STAB2: variants seen among roughly 807,000 people sequenced by gnomAD.
STAB2 encodes the protein stabilin-2.
STAB2 carries 288 observed loss-of-function variants against 338.1 expected under a neutral mutation model. That is an observed-to-expected ratio of 0.85 (90% CI 0.77 to 0.94). STAB2 has a LOEUF of 0.94. Ranked by LOEUF, STAB2 falls within the 40% of genes least tolerant of loss-of-function variation. The probability of loss-of-function intolerance (pLI) is 0.00; values close to 1 mark genes in which losing one functional copy is unlikely to be tolerated. For synonymous variants in STAB2, 1,202 were observed against 1,193.3 expected, an observed-to-expected ratio of 1.01 and a Z score of -0.15; for missense variants, 3,141 against 3,210.1, an observed-to-expected ratio of 0.98 and a Z score of 0.52.
chr12:103,633,695 G>C (rs917215783), intron 6 of STAB2, among the ~76,000 whole-genome samples: 1 of 152,148 alleles, frequency 6.6e-6, no homozygotes, highest in Admixed American at 6.5e-5. Context: ...AAGAAGAAAT[G>C]AAAACCAGCA....
intron 58 of STAB2, 129 bp downstream of exon 58, chr12:103,746,833 C>T (rs1290289587): frequency 1.2e-6 from 1 of 803,764 alleles, no homozygotes; most frequent in Admixed American, 2.0e-5. Flanking sequence ...CCTACCCTCT[C>T]TATGACTCAG....
At chr12:103,745,069 A>C in intron 56 of STAB2, 104 bp from the exon 57 acceptor site, 2 of 909,066 alleles carry the variant, frequency 2.2e-6, no homozygotes, top group Non-Finnish European at 3.3e-6. Flanking sequence ...TGACATAAGC[A>C]TGGTGCCTCC....
chr12:103,716,283 C>T (rs1880305479), intron 43 of STAB2, among the ~76,000 whole-genome samples: 1 of 152,188 alleles, frequency 6.6e-6, no homozygotes, highest in East Asian at 1.9e-4. Flanking sequence ...GGCACTCTAC[C>T]AGTCACATGG....
At chr12:103,682,980 A>G (rs1877063837) in intron 25 of STAB2, among the ~76,000 whole-genome samples, 1 of 152,142 alleles carries the variant, frequency 6.6e-6, no homozygotes, top group East Asian at 1.9e-4. Context: ...AAATAAATTC[A>G]GGAAGAGAGT....
In STAB2 at chr12:103,587,500, T is replaced by C; in HGVS notation, c.24T>C (p.Ile8=). 1 of 1,614,050 alleles carries C rather than the reference T, an allele frequency of 6.2e-7. No individual in the cohort carries two copies. Among genetic ancestry groups the C allele is most frequent in the Non-Finnish European group, 8.5e-7 (1 of 1,179,940 alleles). Residue 8 remains isoleucine (I), a synonymous_variant, in exon 1 of 69, where the codon ATT becomes ATC. Coordinates refer to ENST00000388887, the MANE Select transcript of STAB2 (RefSeq NM_017564.10). MMLQHLV[I]FCLGLVVQNF... ...TCATGATGCTACAACATTTAGTAATTTTTTGTCTTGGATTGGTTGTACAAA... is the reference window on the plus strand; with the variant it reads ...TCATGATGCTACAACATTTAGTAATCTTTTGTCTTGGATTGGTTGTACAAA...
At chr12:103,704,194 C>T (rs1593258816) in intron 35 of STAB2, among the ~76,000 whole-genome samples, 1 of 152,330 alleles carries the variant, frequency 6.6e-6, no homozygotes, top group East Asian at 1.9e-4. Flanking sequence ...TGCTGAACCC[C>T]TCATCTTAGC....
chr12:103,683,208 G>A lies in STAB2; in HGVS notation c.2809G>A (p.Glu937Lys). The A allele has an allele frequency of 1.2e-6, 2 of 1,612,296 alleles. No homozygotes were observed. The highest frequency in any genetic ancestry group is 1.7e-6 in the Non-Finnish European group (2 of 1,179,284). The change falls in exon 26 of 69, where the codon GAG becomes AAG. Residue 937 changes from glutamate to lysine, a missense_variant. Glu to Lys is a moderately conservative substitution (Grantham distance 56). Transcript: ENST00000388887. Reference sequence around the variant, plus strand: ...GACTCTGTTCTTAAAATTATAGAATGAGTGTGAGTGCAAGAAAGGATTTCG... The same window carrying A: ...GACTCTGTTCTTAAAATTATAGAATAAGTGTGAGTGCAAGAAAGGATTTCG... ...SCLYVGPGQNECECKKGFRGN... is the reference protein window; with the variant it reads ...SCLYVGPGQNKCECKKGFRGN...
At position 103,684,283 on chromosome 12, in the gene STAB2, G is replaced by A. The variant is rs1409885359; in HGVS notation, c.2902-706G>A. ...GATCTAACTGGCCCAACTGGGTGCA[G>A]GTGTCTACATATGAGTCCGTCAATT... On this transcript the variant is annotated intron_variant, in intron 26 of 68. Coordinates refer to ENST00000388887, the MANE Select transcript of STAB2 (RefSeq NM_017564.10). 2.0e-5 allele frequency among the ~76,000 whole-genome samples: 3 copies of A among 152,206 alleles called. No individual in the cohort carries two copies. In the East Asian group the frequency reaches 5.8e-4, roughly 29 times the overall value.
intron 44 of STAB2, among the ~76,000 whole-genome samples, chr12:103,721,131 C>T (rs1324894586): frequency 7.6e-6 from 1 of 130,936 alleles, no homozygotes; most frequent in East Asian, 2.0e-4. Flanking sequence ...CCTCCTAATA[C>T]CATAGTGAGG....
At chr12:103,641,669 G>A (rs774778721) in intron 9 of STAB2, among the ~76,000 whole-genome samples, 45 of 152,190 alleles carry the variant, frequency 3.0e-4, no homozygotes, top group Non-Finnish European at 4.7e-4. Flanking sequence ...TACCTTAAGC[G>A]AACTCTTTCC....
At chr12:103,655,389 T>C (rs1874101671) in intron 14 of STAB2, 67 bp from the exon 15 acceptor site, 1 of 1,602,650 alleles carries the variant, frequency 6.2e-7, no homozygotes, top group African/African-American at 1.3e-5. Context: ...TATAAATTTC[T>C]GGCGAATTAT....
At chr12:103,595,361 A>G (rs907447695) in intron 3 of STAB2, among the ~76,000 whole-genome samples, 1 of 151,916 alleles carries the variant, frequency 6.6e-6, no homozygotes, top group African/African-American at 2.4e-5. Context: ...TTTTTTTCTG[A>G]TTAAAGTAAT....
chr12:103,677,834 A>G (rs1423308253), intron 25 of STAB2, among the ~76,000 whole-genome samples: 1 of 152,252 alleles, frequency 6.6e-6, no homozygotes, highest in Non-Finnish European at 1.5e-5. Context: ...CATAAATCAC[A>G]TAGAAAATAA....
At chr12:103,688,313 G>C in intron 28 of STAB2, 98 bp downstream of exon 28, 1 of 1,152,226 alleles carries the variant, frequency 8.7e-7, no homozygotes, top group South Asian at 1.2e-5. Flanking sequence ...GGTAAGGAGT[G>C]TAGGCAATTG....
In STAB2 at chr12:103,620,541, C is replaced by A. The variant is rs755026780; in HGVS notation, c.405C>A (p.Thr135=). ...SCAEGMEGNG[T]CSCQEGFGGT... is the part of the protein sequence containing the mutation. Reference sequence around the variant, plus strand: ...CTGAAGGCATGGAAGGAAATGGAACCTGCTCCTGCCAAGTAAGTTCAAAAA... The same window carrying A: ...CTGAAGGCATGGAAGGAAATGGAACATGCTCCTGCCAAGTAAGTTCAAAAA... Residue 135 remains threonine, a synonymous_variant, in exon 4 of 69, where the codon ACC becomes ACA. Coordinates refer to ENST00000388887, the MANE Select transcript of STAB2 (RefSeq NM_017564.10). The A allele has an allele frequency of 1.3e-6, 2 of 1,567,254 alleles. No individual in the cohort carries two copies. Among genetic ancestry groups the A allele is most frequent in the East Asian group, 4.7e-5 (2 of 42,306 alleles).
chr12:103,638,229 G>A lies in STAB2; in HGVS notation c.906+17G>A, dbSNP rs1171734548. The stretch of plus-strand genomic sequence containing the variant: ...CCTGGACAGGTGAGCAAATGATGCA[G>A]GGAACTGATGTATCTAGAAGTTTGA... On this transcript the variant is annotated intron_variant, in intron 8 of 68. Coordinates refer to ENST00000388887, the MANE Select transcript of STAB2 (RefSeq NM_017564.10). 2.5e-6 allele frequency: 4 copies of A among 1,606,116 alleles called. No individual in the cohort carries two copies. In the African/African-American group the frequency reaches 5.3e-5, roughly 21 times the overall value.
At chr12:103,736,983 C>T (rs1882181570) in intron 52 of STAB2, among the ~76,000 whole-genome samples, 1 of 152,156 alleles carries the variant, frequency 6.6e-6, no homozygotes, top group Admixed American at 6.5e-5. Flanking sequence ...CTCCAAAGCC[C>T]AGTTGATTAT....
chr12:103,728,357 G>T (rs1179833973), intron 47 of STAB2, among the ~76,000 whole-genome samples: 2 of 152,216 alleles, frequency 1.3e-5, no homozygotes, highest in South Asian at 4.2e-4. Context: ...TGATCCACCC[G>T]CCTCGGCCTC....
At chr12:103,643,625 G>T (rs1310120902) in intron 9 of STAB2, among the ~76,000 whole-genome samples, 4 of 152,102 alleles carry the variant, frequency 2.6e-5, no homozygotes, top group Non-Finnish European at 5.9e-5. Flanking sequence ...CATAGGCGCT[G>T]CCAGTTACAG....
Sources: allele counts gnomAD v4.1 joint callset (sites outside exome capture counted in the v4.1 genomes callset), GRCh38; gene constraint gnomAD v4.1.1; transcripts MANE v1.5; gene names NCBI Gene and HGNC (gene_info 2026-07-23, HGNC 2026-07-21).